IQSEC1: variants seen among roughly 807,000 people sequenced by gnomAD.
The protein encoded by IQSEC1 is IQ motif and Sec7 domain ArfGEF 1.
A neutral mutation model predicts 91.0 loss-of-function variants in IQSEC1; 31 were observed. The observed-to-expected ratio is 0.34, with a 90% CI of 0.26 to 0.46. The LOEUF is 0.46. Among genes scored for constraint, IQSEC1 ranks in the 20% least tolerant of loss-of-function variants. The pLI is 1.00. For synonymous variants in IQSEC1, 699 were observed against 662.6 expected, an observed-to-expected ratio of 1.05 and a Z score of -0.84; for missense variants, 1,388 against 1,575.6, an observed-to-expected ratio of 0.88 and a Z score of 2.02.
intron 7 of IQSEC1, 56 bp downstream of exon 7, chr3:12,915,538 G>T: frequency 1.3e-6 from 2 of 1,584,132 alleles, no homozygotes; most frequent in Non-Finnish European, 8.6e-7. Flanking sequence ...AGGCCTGGCA[G>T]GCAGCCCCGC....
At chr3:13,186,158 C>A (rs1693927961) in intron 1 of IQSEC1, among the ~76,000 whole-genome samples, 1 of 152,168 alleles carries the variant, frequency 6.6e-6, no homozygotes. Flanking sequence ...ATATCTATTA[C>A]CCAACATAGG....
intron 2 of IQSEC1, among the ~76,000 whole-genome samples, chr3:13,119,206 A>G (rs1706385288): frequency 6.6e-6 from 1 of 152,188 alleles, no homozygotes; most frequent in South Asian, 2.1e-4. Flanking sequence ...TAAGAATATT[A>G]TTATTCTTAA....
intron 3 of IQSEC1, among the ~76,000 whole-genome samples, chr3:12,927,335 C>T (rs976607035): frequency 2.0e-5 from 3 of 152,182 alleles, no homozygotes; most frequent in South Asian, 2.1e-4. Context: ...CTGGCCTCCA[C>T]GGCAGTGAGT....
chr3:13,039,446 CTT>C (rs1390577206), intron 1 of IQSEC1, among the ~76,000 whole-genome samples: 14 of 152,210 alleles, frequency 9.2e-5, no homozygotes, highest in African/African-American at 3.4e-4. Flanking sequence ...CTTTCATACT[CTT>C]AAGTTTGGGA....
intron 2 of IQSEC1, among the ~76,000 whole-genome samples, chr3:13,141,315 C>T (rs748917895): frequency 3.3e-5 from 5 of 152,160 alleles, no homozygotes; most frequent in African/African-American, 7.2e-5. Context: ...GAGGCAGCCT[C>T]GATGTGCACA....
chr3:12,931,392 G>A (rs1697659240), intron 3 of IQSEC1, among the ~76,000 whole-genome samples: 1 of 152,242 alleles, frequency 6.6e-6, no homozygotes, highest in Non-Finnish European at 1.5e-5. Flanking sequence ...CACTTCTGGT[G>A]TGTGGCCTTG....
At chr3:12,941,934 G>C in intron 1 of IQSEC1, 69 bp from the exon 2 acceptor site, 2 of 1,386,780 alleles carry the variant, frequency 1.4e-6, no homozygotes, top group Non-Finnish European at 1.9e-6. Flanking sequence ...GGGCCGTGGG[G>C]CGTGACCCCA....
chr3:13,235,536 G>GA (rs1694913278), intron 1 of IQSEC1, among the ~76,000 whole-genome samples: 1 of 152,110 alleles, frequency 6.6e-6, no homozygotes, highest in South Asian at 2.1e-4. Context: ...GCAGGAGGGG[G>GA]AAATTGCCCA....
chr3:13,135,716 C>T (rs113837701), intron 2 of IQSEC1, among the ~76,000 whole-genome samples: 3 of 152,104 alleles, frequency 2.0e-5, no homozygotes, highest in African/African-American at 7.2e-5. Flanking sequence ...CTGGAGGGGA[C>T]GAGCCAGGGA....
chr3:13,089,471 G>T (rs947833311), intron 2 of IQSEC1, among the ~76,000 whole-genome samples: 1 of 151,994 alleles, frequency 6.6e-6, no homozygotes, highest in Non-Finnish European at 1.5e-5. Context: ...TGTAGTCCCA[G>T]CTACTTAGGA....
Position 13,008,790 on chromosome 3 carries a change from G to A in IQSEC1, c.23+64202C>T, listed in dbSNP as rs372065511. 1.9e-3 allele frequency among the ~76,000 whole-genome samples: 297 copies of A among 152,318 alleles called. No individual in the cohort carries two copies. The highest frequency in any genetic ancestry group is 6.6e-3 in the African/African-American group (275 of 41,576). On this transcript the variant is annotated intron_variant, in intron 1 of 13. Coordinates refer to ENST00000613206, the MANE Select transcript of IQSEC1 (RefSeq NM_001134382.3). This position sits in a 1 kb window ranked among gnomAD's most constrained non-coding sequence, Gnocchi z 4.1. ...ACGCTCTTGATCCGGCTCCAGGGCA[G>A]AAAGGGGAGCTCACAGAGGAGGGGA...
Position 12,908,500 on chromosome 3 carries a change from G to T in IQSEC1, c.2604C>A (p.Val868=), listed in dbSNP as rs779875195. The T allele has an allele frequency of 9.9e-6, 16 of 1,613,640 alleles. No individual in the cohort carries two copies. Among genetic ancestry groups the T allele is most frequent in the Non-Finnish European group, 1.4e-5 (16 of 1,180,032 alleles). Residue 868 remains valine (V), a synonymous_variant, in exon 12 of 14, where the codon GTC becomes GTA. Coordinates refer to ENST00000613206, the MANE Select transcript of IQSEC1 (RefSeq NM_001134382.3). The surrounding 1 kb of genome is among the most constrained non-coding windows in gnomAD (Gnocchi z 4.9). ...IESELEKQKG[V]VRPSMSQCSS... ...AGCACTGGGACATGCTGGGCCGCAC[G>T]ACGCCTTTCTGCTTCTCGAGCTCCG...
rs773827294 is a variant in IQSEC1 at position 12,941,729 on chromosome 3, G to A, written c.160C>T (p.Leu54=). 1.2e-6 allele frequency: 2 copies of A among 1,612,500 alleles called. No homozygotes were observed. Among genetic ancestry groups the A allele is most frequent in the Middle Eastern group, 1.8e-4 (1 of 5,624 alleles). Residue 54 remains leucine (L), a synonymous_variant, in exon 2 of 14, where the codon CTG becomes TTG. Transcript: ENST00000613206. ...YEHTSVGAYG[L]YSGPPGQQQR... ...TGTTGCCCCGGCGGCCCCGAGTACA[G>A]CCCATAGGCTCCCACTGACGTGTGC...
Position 12,914,899 on chromosome 3 carries a change from G to A in IQSEC1, c.2190+205C>T, listed in dbSNP as rs558101276. Among the ~76,000 whole-genome samples the A allele has an allele frequency of 2.5e-3, 376 of 152,144 alleles. 4 individuals are homozygous for A. The highest frequency in any genetic ancestry group is 8.7e-3 in the African/African-American group (361 of 41,490). ...ACAGGGCGTCAACAAGAGGGAGCAG[G>A]AGTCTCCCCTGACAGCACAGCCTCA... On this transcript the variant is annotated intron_variant, in intron 8 of 13. Transcript: ENST00000613206.
intron 1 of IQSEC1, among the ~76,000 whole-genome samples, chr3:13,001,207 C>G (rs1702408623): frequency 6.6e-6 from 1 of 152,050 alleles, no homozygotes; most frequent in South Asian, 2.1e-4. Context: ...GTGATCCGCC[C>G]ACCTCAGTCT....
intron 1 of IQSEC1, among the ~76,000 whole-genome samples, chr3:12,982,685 G>T (rs1244649026): frequency 6.6e-6 from 1 of 152,232 alleles, no homozygotes; most frequent in East Asian, 1.9e-4. Flanking sequence ...ACTGACTGGG[G>T]GGTCCCCTTT....
intron 1 of IQSEC1, among the ~76,000 whole-genome samples, chr3:12,945,114 C>T (rs1045035217): frequency 2.0e-5 from 3 of 152,182 alleles, no homozygotes; most frequent in Admixed American, 6.5e-5. Context: ...AGAGATCAGG[C>T]GGCAGCCACT....
At chr3:13,236,029 G>A (rs1253204535) in intron 1 of IQSEC1, among the ~76,000 whole-genome samples, 1 of 152,100 alleles carries the variant, frequency 6.6e-6, no homozygotes, top group Non-Finnish European at 1.5e-5. Context: ...TGAAGTGAAT[G>A]GATCTTGCCC....
At chr3:12,937,522 T>G (rs1300812618) in intron 2 of IQSEC1, among the ~76,000 whole-genome samples, 1 of 152,210 alleles carries the variant, frequency 6.6e-6, no homozygotes, top group East Asian at 1.9e-4. Context: ...GAAGCAGGCT[T>G]TGAGGCCAGG....
Sources: allele counts gnomAD v4.1 joint callset (sites outside exome capture counted in the v4.1 genomes callset), GRCh38; gene constraint gnomAD v4.1.1; non-coding constraint Gnocchi (gnomAD v3.1); transcripts MANE v1.5; gene names NCBI Gene and HGNC (gene_info 2026-07-23, HGNC 2026-07-21).